ST18: variants seen among roughly 807,000 people sequenced by gnomAD.
ST18 encodes ST18 C2H2C-type zinc finger transcription factor, also known as suppression of tumorigenicity 18 protein.
A neutral mutation model predicts 110.0 loss-of-function variants in ST18; 50 were observed. The ratio of observed to expected loss-of-function variants is 0.45; its 90% CI spans 0.36 to 0.58. The LOEUF is 0.58. ST18 is among the 20% of genes least tolerant of loss of function. The pLI, the probability that ST18 is intolerant of heterozygous loss-of-function variation, is 0.00. For synonymous variants in ST18, 461 were observed against 452.4 expected, an observed-to-expected ratio of 1.02 and a Z score of -0.24; for missense variants, 1,306 against 1,280.1, an observed-to-expected ratio of 1.02 and a Z score of -0.31.
At chr8:52,272,355 A>G (rs996290430) in intron 2 of ST18, among the ~76,000 whole-genome samples, 2 of 147,860 alleles carry the variant, frequency 1.4e-5, no homozygotes, top group East Asian at 1.9e-4. Flanking sequence ...ATAGTAAAAA[A>G]AAATCTAATA....
At chr8:52,225,245 C>T (rs1277303333) in intron 3 of ST18, among the ~76,000 whole-genome samples, 1 of 152,122 alleles carries the variant, frequency 6.6e-6, no homozygotes, top group African/African-American at 2.4e-5. Flanking sequence ...ATTTAAGTAA[C>T]AAAATAGCCC....
chr8:52,325,439 T>C (rs901220075), intron 2 of ST18, among the ~76,000 whole-genome samples: 1 of 152,204 alleles, frequency 6.6e-6, no homozygotes, highest in Non-Finnish European at 1.5e-5. Context: ...ATGTTTCTAC[T>C]GGAGGTAATC....
At chr8:52,295,561 T>C (rs2095619877) in intron 2 of ST18, among the ~76,000 whole-genome samples, 1 of 152,096 alleles carries the variant, frequency 6.6e-6, no homozygotes, top group Non-Finnish European at 1.5e-5. Flanking sequence ...TGATGCAAAA[T>C]TTCATTTTCT....
chr8:52,202,672 C>T (rs2078428589), intron 8 of ST18, among the ~76,000 whole-genome samples: 1 of 152,064 alleles, frequency 6.6e-6, no homozygotes, highest in Non-Finnish European at 1.5e-5. Flanking sequence ...AGTCCTGAGC[C>T]TGAAAGAATG....
intron 9 of ST18, among the ~76,000 whole-genome samples, chr8:52,174,708 T>A (rs2066225964): frequency 6.6e-6 from 1 of 152,226 alleles, no homozygotes; most frequent in South Asian, 2.1e-4. Flanking sequence ...GTTTGTTATA[T>A]GCTAAAAGAA....
intron 10 of ST18, among the ~76,000 whole-genome samples, chr8:52,168,443 C>T (rs1467059534): frequency 1.3e-5 from 2 of 151,996 alleles, no homozygotes; most frequent in African/African-American, 4.8e-5. Flanking sequence ...CGTGCCTCTG[C>T]CATACCATGG....
At chr8:52,403,160 G>T (rs572792230) in intron 2 of ST18, among the ~76,000 whole-genome samples, 3 of 152,048 alleles carry the variant, frequency 2.0e-5, no homozygotes, top group Non-Finnish European at 2.9e-5. Flanking sequence ...TTCCCAGGGG[G>T]TATGGAGTTG....
At chr8:52,333,686 A>T (rs73679046) in intron 2 of ST18, among the ~76,000 whole-genome samples, 24,567 of 152,204 alleles carry the variant, frequency 0.16, 2,334 homozygotes, top group African/African-American at 0.27. Context: ...CTTTTCTAGT[A>T]CTTTCTTTAT....
At chr8:52,262,876 C>G (rs904366454) in intron 2 of ST18, among the ~76,000 whole-genome samples, 11 of 152,200 alleles carry the variant, frequency 7.2e-5, no homozygotes, top group African/African-American at 2.7e-4. Context: ...TTTATTTAAT[C>G]TTTAGACATC....
At chr8:52,115,403 C>T (rs1035258203) in intron 25 of ST18, among the ~76,000 whole-genome samples, 2 of 152,182 alleles carry the variant, frequency 1.3e-5, no homozygotes, top group African/African-American at 4.8e-5. Context: ...TCATGCAATG[C>T]ATAACAACAT....
chr8:52,220,169 G>C (rs2360801), intron 5 of ST18, among the ~76,000 whole-genome samples: 17,609 of 152,180 alleles, frequency 0.12, 1,378 homozygotes, highest in Middle Eastern at 0.21. Context: ...CACACTAAAA[G>C]GGCCTTTACA....
chr8:52,205,850 G>A (rs921117359), intron 8 of ST18, among the ~76,000 whole-genome samples: 2 of 152,214 alleles, frequency 1.3e-5, no homozygotes, highest in African/African-American at 4.8e-5. Context: ...TTACAGGGAT[G>A]AGCCACTACG....
intron 4 of ST18, 89 bp downstream of exon 4, chr8:52,221,551 A>G (rs1237543213): frequency 6.6e-6 from 1 of 152,202 alleles, no homozygotes; most frequent in Non-Finnish European, 1.5e-5. Context: ...TACTAGAGGA[A>G]CCAATTTATA....
intron 2 of ST18, among the ~76,000 whole-genome samples, chr8:52,284,703 C>T (rs1286324629): frequency 6.6e-6 from 1 of 152,074 alleles, no homozygotes; most frequent in Non-Finnish European, 1.5e-5. Context: ...GACCATGAGT[C>T]CCAGACAATG....
chr8:52,283,136 A>C (rs760903160), intron 2 of ST18, among the ~76,000 whole-genome samples: 8 of 152,186 alleles, frequency 5.3e-5, no homozygotes, highest in Admixed American at 5.2e-4. Flanking sequence ...TTGGTGGATT[A>C]GATATGGAAT....
chr8:52,360,539 C>A (rs980604777), intron 2 of ST18, among the ~76,000 whole-genome samples: 7 of 151,990 alleles, frequency 4.6e-5, no homozygotes, highest in Middle Eastern at 6.8e-3. Context: ...CAAATATTTT[C>A]TTAAAATATA....
chr8:52,330,677 G>C (rs10448049), intron 2 of ST18, among the ~76,000 whole-genome samples: 4 of 152,204 alleles, frequency 2.6e-5, no homozygotes, highest in African/African-American at 9.7e-5. Context: ...GGAGATGACC[G>C]GCTCTGGGCA....
chr8:52,150,631 G>C (rs2058582926), intron 15 of ST18, among the ~76,000 whole-genome samples: 1 of 152,180 alleles, frequency 6.6e-6, no homozygotes, highest in Admixed American at 6.5e-5. Context: ...GGTGGTGGGG[G>C]CGGTGCTTTG....
At chr8:52,376,165 T>G (rs1386063380) in intron 2 of ST18, among the ~76,000 whole-genome samples, 1 of 152,170 alleles carries the variant, frequency 6.6e-6, no homozygotes, top group Non-Finnish European at 1.5e-5. Context: ...AAAATTCATC[T>G]GCTCAAAACC....
Sources: gnomAD v4.1 joint callset for allele counts (sites outside exome capture counted in the v4.1 genomes callset) on GRCh38, gnomAD v4.1.1 for gene constraint, MANE v1.5 for transcripts, NCBI Gene and HGNC (gene_info 2026-07-23, HGNC 2026-07-21) for gene names.